Variants in FBXO11 observed in about 807,000 individuals in gnomAD.
FBXO11 encodes the protein F-box only protein 11.
In FBXO11, 13 loss-of-function variants were observed where a neutral mutation model predicts 117.0. The observed-to-expected ratio is 0.11, with a 90% CI of 0.07 to 0.18. FBXO11 has a LOEUF of 0.18. Among genes scored for constraint, FBXO11 ranks in the 10% least tolerant of loss-of-function variants. The pLI is 1.00. For synonymous variants in FBXO11, 490 were observed against 380.5 expected (o/e 1.29, Z -3.35); for missense variants, 767 against 1,164.4 (o/e 0.66, Z 4.97).
chr2:47,892,392 T>C (rs965992620), intron 1 of FBXO11, among the ~76,000 whole-genome samples: 2 of 152,244 alleles, frequency 1.3e-5, no homozygotes, highest in African/African-American at 2.4e-5. Context: ...ATGTCACTGA[T>C]TGGTATGTAA....
intron 16 of FBXO11, among the ~76,000 whole-genome samples, chr2:47,814,490 T>C (rs1396162037): frequency 1.3e-5 from 2 of 150,910 alleles, no homozygotes; most frequent in African/African-American, 4.9e-5. Context: ...GCAATCCTCC[T>C]GCCTAAGCCT....
At chr2:47,814,373 C>T (rs377184440) in intron 16 of FBXO11, 164 of 131,436 alleles carry the variant, frequency 1.2e-3, no homozygotes, top group African/African-American at 4.0e-3. Context: ...TTCAGGGAGT[C>T]TTTTTTTTTT....
chr2:47,835,524 A>C (rs1281300656), intron 5 of FBXO11, among the ~76,000 whole-genome samples: 1 of 152,050 alleles, frequency 6.6e-6, no homozygotes, highest in East Asian at 1.9e-4. Flanking sequence ...CTGAGACAAG[A>C]GTCTCACTCT....
At chr2:47,838,386 C>G (rs949437422) in intron 4 of FBXO11, among the ~76,000 whole-genome samples, 1 of 151,856 alleles carries the variant, frequency 6.6e-6, no homozygotes, top group African/African-American at 2.4e-5. Flanking sequence ...TAGGCTGTTA[C>G]GAAAAATCTG....
chr2:47,901,105 GTATATATGTACACACGTGTGTACATGTA>G (rs1254715283), intron 1 of FBXO11, among the ~76,000 whole-genome samples: 4 of 111,396 alleles, frequency 3.6e-5, no homozygotes, highest in South Asian at 5.2e-4. Flanking sequence ...ACATATATAT[GTATATATGTACACACGTGTGTACATGTA>G]TATATATACA....
At chr2:47,859,052 A>C (rs1674546279) in intron 1 of FBXO11, among the ~76,000 whole-genome samples, 1 of 151,556 alleles carries the variant, frequency 6.6e-6, no homozygotes. Context: ...AAAAAAAAAA[A>C]AAAAAAGAAA....
At chr2:47,851,984 A>C (rs1274627933) in intron 1 of FBXO11, among the ~76,000 whole-genome samples, 1 of 150,008 alleles carries the variant, frequency 6.7e-6, no homozygotes, top group Non-Finnish European at 1.5e-5. Context: ...TGTATCAAGC[A>C]ACCAATTTTT....
At chr2:47,819,142 A>AC (rs1317457931) in intron 14 of FBXO11, 64 bp from the exon 15 acceptor site, 1 of 1,531,122 alleles carries the variant, frequency 6.5e-7, no homozygotes, top group South Asian at 1.2e-5. Flanking sequence ...ATAGTCTGTT[A>AC]CCCCCTTTAT....
At chr2:47,884,883 GTTC>G (rs1335808763) in intron 1 of FBXO11, among the ~76,000 whole-genome samples, 2 of 152,004 alleles carry the variant, frequency 1.3e-5, no homozygotes, top group Admixed American at 6.6e-5. Context: ...TGTAAAACAG[GTTC>G]TTGTTATGCA....
chr2:47,868,972 G>C (rs1275401734), intron 1 of FBXO11, among the ~76,000 whole-genome samples: 1 of 152,220 alleles, frequency 6.6e-6, no homozygotes, highest in African/African-American at 2.4e-5. Context: ...CCAGCATCCT[G>C]AAGCAGCTGG....
chr2:47,812,040 C>T (rs1441801977), intron 18 of FBXO11, among the ~76,000 whole-genome samples: 1 of 150,540 alleles, frequency 6.6e-6, no homozygotes, highest in East Asian at 2.0e-4. Flanking sequence ...TGTCTCTAAT[C>T]TTGATTATTT....
At chr2:47,874,136 C>G (rs968652514) in intron 1 of FBXO11, among the ~76,000 whole-genome samples, 2 of 152,142 alleles carry the variant, frequency 1.3e-5, no homozygotes, top group Non-Finnish European at 2.9e-5. Context: ...ATCGCTTGAA[C>G]CTGGGAGGCG....
chr2:47,844,264 C>T (rs1427728022), intron 1 of FBXO11, among the ~76,000 whole-genome samples: 1 of 152,162 alleles, frequency 6.6e-6, no homozygotes, highest in East Asian at 1.9e-4. Context: ...ATTTCACTCA[C>T]ATTTTATATT....
chr2:47,904,437 C>A (rs751089243), intron 1 of FBXO11, among the ~76,000 whole-genome samples: 3 of 152,146 alleles, frequency 2.0e-5, no homozygotes, highest in Non-Finnish European at 4.4e-5. Flanking sequence ...TAGAACTGAA[C>A]ATTATTTTTG....
intron 1 of FBXO11, chr2:47,888,674 CA>C: frequency 1.0e-6 from 1 of 983,304 alleles, no homozygotes; most frequent in Non-Finnish European, 1.2e-6. Flanking sequence ...TCCTGTTAGA[CA>C]GTTTTTCAGC....
chr2:47,902,876 C>G (rs767581565), intron 1 of FBXO11, among the ~76,000 whole-genome samples: 4 of 151,748 alleles, frequency 2.6e-5, no homozygotes, highest in Non-Finnish European at 5.9e-5. Context: ...TATCCAAGAT[C>G]CTAATGCAAA....
At chr2:47,860,047 C>A (rs1481279778) in intron 1 of FBXO11, among the ~76,000 whole-genome samples, 1 of 152,108 alleles carries the variant, frequency 6.6e-6, no homozygotes, top group Non-Finnish European at 1.5e-5. Context: ...ATAAAATAAG[C>A]TTAGGAGACA....
chr2:47,868,226 T>G (rs1430871428), intron 1 of FBXO11, among the ~76,000 whole-genome samples: 1 of 140,474 alleles, frequency 7.1e-6, no homozygotes, highest in Admixed American at 8.0e-5. Context: ...GAGGTTGCAG[T>G]GAGCCGAGAT....
intron 11 of FBXO11, among the ~76,000 whole-genome samples, chr2:47,831,015 T>C (rs1458445964): frequency 2.6e-5 from 4 of 151,802 alleles, no homozygotes; most frequent in African/African-American, 7.2e-5. Context: ...TCCAGGCTGG[T>C]TTTGAACTCC....
Sources: gnomAD v4.1 joint callset for allele counts (sites outside exome capture counted in the v4.1 genomes callset) on GRCh38, gnomAD v4.1.1 for gene constraint, MANE v1.5 for transcripts, NCBI Gene and HGNC (gene_info 2026-07-23, HGNC 2026-07-21) for gene names.